The following FARS2 variants were observed in gnomAD, a reference collection of about 807,000 sequenced individuals.
FARS2 encodes phenylalanine--tRNA ligase, mitochondrial.
In FARS2, 40 loss-of-function variants were observed where a neutral mutation model predicts 46.4. The ratio of observed to expected loss-of-function variants is 0.86; its 90% CI spans 0.67 to 1.12. The LOEUF is 1.12. FARS2 is among the 50% of genes most tolerant of loss of function. The pLI is 0.00. For synonymous variants in FARS2, 234 were observed against 214.9 expected (o/e 1.09, Z -0.78); for missense variants, 513 against 567.9 (o/e 0.90, Z 0.98).
chr6:5,361,463 T>G (rs1758296042), intron 1 of FARS2, among the ~76,000 whole-genome samples: 1 of 152,238 alleles, frequency 6.6e-6, no homozygotes, highest in Non-Finnish European at 1.5e-5. Context: ...ATGAACAGTT[T>G]TAAGTCTCTT....
At chr6:5,663,903 CTT>C (rs756144575) in intron 6 of FARS2, among the ~76,000 whole-genome samples, 5 of 152,212 alleles carry the variant, frequency 3.3e-5, no homozygotes, top group Non-Finnish European at 7.3e-5. Flanking sequence ...GCACTGGTGT[CTT>C]TACTGCAGGC....
chr6:5,581,936 T>A (rs9405851), intron 5 of FARS2, among the ~76,000 whole-genome samples: 33,215 of 142,736 alleles, frequency 0.23, 2,748 homozygotes, highest in East Asian at 0.36. Context: ...CACAGTAACA[T>A]ACTTCCGGTT....
rs184526447 is a variant in FARS2 at position 5,304,427 on chromosome 6, T to A, written c.-22+42767T>A. The stretch of plus-strand genomic sequence containing the variant: ...ATTTGTACATGTAGCTATTTTCATA[T>A]TTTGAATTAGTCTCTTATGATAGAG... On this transcript the variant is annotated intron_variant, in intron 1 of 6. Transcript: ENST00000274680. Among the ~76,000 whole-genome samples the A allele has an allele frequency of 3.3e-5, 5 of 152,378 alleles. No homozygotes were observed. In the East Asian group the frequency reaches 9.6e-4, roughly 29 times the overall value.
intron 5 of FARS2, among the ~76,000 whole-genome samples, chr6:5,570,886 T>C (rs1358501618): frequency 6.6e-6 from 1 of 152,202 alleles, no homozygotes; most frequent in African/African-American, 2.4e-5. Context: ...GTTCTGCACA[T>C]TTCTTTGTGG....
Position 5,343,710 on chromosome 6 carries a change from G to GT in FARS2, c.-21-24839dup, listed in dbSNP as rs2127595551. ...GTGACTGAAAGTGGAGGATGAGCTG[G>GT]TATGACATGGGTTCTGTCTAGGGAT... On this transcript the variant is annotated intron_variant, in intron 1 of 6. Coordinates refer to ENST00000274680, the MANE Select transcript of FARS2 (RefSeq NM_006567.5). The surrounding 1 kb of genome is among the most constrained non-coding windows in gnomAD (Gnocchi z 4.5). Among the ~76,000 whole-genome samples the GT allele has an allele frequency of 6.6e-6, 1 of 152,288 alleles. No individual in the cohort carries two copies. Among genetic ancestry groups the GT allele is most frequent in the South Asian group, 2.1e-4 (1 of 4,826 alleles).
chr6:5,455,885 G>A lies in FARS2; in HGVS notation c.904+24713G>A, dbSNP rs1438619343. The stretch of plus-strand genomic sequence containing the variant: ...GTATTTAAGATTATTTATTATCTCA[G>A]TTTATACTCCCTCCATGCATCAAGC... On this transcript the variant is annotated intron_variant, in intron 4 of 6. Transcript: ENST00000274680. 2.0e-5 allele frequency among the ~76,000 whole-genome samples: 3 copies of A among 152,242 alleles called. No individual in the cohort carries two copies. In the East Asian group the frequency reaches 5.8e-4, roughly 29 times the overall value.
At chr6:5,637,680 A>AT (rs947483866) in intron 6 of FARS2, among the ~76,000 whole-genome samples, 12 of 152,194 alleles carry the variant, frequency 7.9e-5, no homozygotes, top group African/African-American at 2.9e-4. Context: ...AACAGCAGAA[A>AT]TTTATTTCCT....
chr6:5,479,021 C>A (rs570914442), intron 4 of FARS2, among the ~76,000 whole-genome samples: 76 of 152,240 alleles, frequency 5.0e-4, no homozygotes, highest in Non-Finnish European at 9.3e-4. Context: ...TATGTAAAAG[C>A]AATTAGTTTG....
chr6:5,767,703 A>G (rs1762825436), intron 6 of FARS2, among the ~76,000 whole-genome samples: 1 of 152,192 alleles, frequency 6.6e-6, no homozygotes, highest in South Asian at 2.1e-4. Context: ...CAATGGGGTT[A>G]TGATACTTAA....
At chr6:5,346,018 G>A (rs1757207645) in intron 1 of FARS2, among the ~76,000 whole-genome samples, 1 of 152,198 alleles carries the variant, frequency 6.6e-6, no homozygotes, top group Non-Finnish European at 1.5e-5. Flanking sequence ...CGGTGTGGGA[G>A]AGCAGGCCTG....
At chr6:5,290,773 T>C (rs1427759861) in intron 1 of FARS2, among the ~76,000 whole-genome samples, 1 of 152,208 alleles carries the variant, frequency 6.6e-6, no homozygotes, top group African/African-American at 2.4e-5. Flanking sequence ...TAAGCTGGAG[T>C]GCAGTGGCAC....
At chr6:5,506,075 C>T (rs1432961736) in intron 4 of FARS2, among the ~76,000 whole-genome samples, 1 of 152,182 alleles carries the variant, frequency 6.6e-6, no homozygotes, top group Non-Finnish European at 1.5e-5. Flanking sequence ...AGGACCTGCT[C>T]TCCCTCCCTC....
intron 6 of FARS2, among the ~76,000 whole-genome samples, chr6:5,664,729 A>T (rs1778022372): frequency 6.6e-6 from 1 of 152,200 alleles, no homozygotes; most frequent in African/African-American, 2.4e-5. Context: ...AGTCCTTAAG[A>T]GCACCAACAT....
At chr6:5,575,766 A>C (rs1772924527) in intron 5 of FARS2, among the ~76,000 whole-genome samples, 1 of 152,228 alleles carries the variant, frequency 6.6e-6, no homozygotes, top group African/African-American at 2.4e-5. Flanking sequence ...TGAAGATTAC[A>C]GGTCAACATA....
chr6:5,720,728 A>G (rs903247413), intron 6 of FARS2, among the ~76,000 whole-genome samples: 15 of 152,248 alleles, frequency 9.9e-5, no homozygotes, highest in Admixed American at 2.0e-4. Context: ...TGATCATATT[A>G]AAAATTAAAA....
intron 4 of FARS2, among the ~76,000 whole-genome samples, chr6:5,495,487 C>T (rs1767403989): frequency 6.6e-6 from 1 of 152,122 alleles, no homozygotes; most frequent in African/African-American, 2.4e-5. Flanking sequence ...CTCTGTTCCA[C>T]CGATGCTTCT....
intron 5 of FARS2, among the ~76,000 whole-genome samples, chr6:5,553,352 A>T (rs1163392984): frequency 6.6e-6 from 1 of 152,098 alleles, no homozygotes; most frequent in Non-Finnish European, 1.5e-5. Flanking sequence ...CTTCAGCCTT[A>T]CTCTGTGTCA....
At chr6:5,498,201 G>A (rs1456477555) in intron 4 of FARS2, among the ~76,000 whole-genome samples, 2 of 152,016 alleles carry the variant, frequency 1.3e-5, no homozygotes, top group Non-Finnish European at 2.9e-5. Context: ...TTCATCTTTT[G>A]GTGTTCTAAA....
chr6:5,469,151 CT>C (rs1276246736), intron 4 of FARS2, among the ~76,000 whole-genome samples: 2 of 152,244 alleles, frequency 1.3e-5, no homozygotes. Context: ...CTTCCAGCGA[CT>C]GTTTCTTGGG....
Sources: gnomAD v4.1 joint callset for allele counts (sites outside exome capture counted in the v4.1 genomes callset) on GRCh38, gnomAD v4.1.1 for gene constraint, Gnocchi (gnomAD v3.1) non-coding constraint, MANE v1.5 for transcripts, NCBI Gene and HGNC (gene_info 2026-07-23, HGNC 2026-07-21) for gene names.